The following LRRIQ1 variants were observed in gnomAD, a reference collection of about 807,000 sequenced individuals.
The protein encoded by LRRIQ1 is leucine-rich repeat- and IQ domain-containing protein 1.
In LRRIQ1, 210 loss-of-function variants were observed where a neutral mutation model predicts 211.9. The observed-to-expected ratio is 0.99, with a 90% CI of 0.89 to 1.11. The LOEUF (loss-of-function observed/expected upper bound fraction) is 1.11. LRRIQ1 is among the 50% of genes most tolerant of loss of function. LRRIQ1 has a pLI of 0.00. For missense variants in LRRIQ1, 2,136 were observed against 1,939.5 expected (o/e 1.10, Z -1.90); for synonymous variants, 699 against 650.1 (o/e 1.08, Z -1.14).
In LRRIQ1 at chr12:85,056,196, C is replaced by A; in HGVS notation, c.1403C>A (p.Ser468Tyr). Residue 468 changes from serine (S) to tyrosine (Y), a missense_variant, in exon 8 of 27, where the codon TCT becomes TAT. Transcript: ENST00000393217. The stretch of plus-strand genomic sequence containing the variant: ...TCAATACAAGTAAAGTTAAAAGAAT[C>A]TATATCAAGCCAAACAATTCTGGCA... ...KESIQVKLKE[S>Y]ISSQTILADF... The A allele has an allele frequency of 6.4e-7, 1 of 1,571,268 alleles. No homozygotes were observed. The highest frequency in any genetic ancestry group is 8.6e-7 in the Non-Finnish European group (1 of 1,167,902).
At chr12:85,217,700 A>ATATATGTGTATATATG (rs1565910217) in intron 24 of LRRIQ1, among the ~76,000 whole-genome samples, 2 of 133,368 alleles carry the variant, frequency 1.5e-5, no homozygotes, top group Non-Finnish European at 3.0e-5. Flanking sequence ...GTATATATGT[A>ATATATGTGTATATATG]TATATGTGTG....
At chr12:85,057,232 C>A in intron 8 of LRRIQ1, 48 bp downstream of exon 8, 1 of 1,217,030 alleles carries the variant, frequency 8.2e-7, no homozygotes, top group South Asian at 1.9e-5. Flanking sequence ...ACAATTAGCT[C>A]TTTAAAGTAT....
intron 18 of LRRIQ1, among the ~76,000 whole-genome samples, chr12:85,128,733 A>C (rs933445864): frequency 1.3e-5 from 2 of 152,204 alleles, no homozygotes; most frequent in African/African-American, 4.8e-5. Context: ...ATAATTGTTA[A>C]AGTTTTTCAA....
intron 24 of LRRIQ1, among the ~76,000 whole-genome samples, chr12:85,169,397 A>T (rs899978723): frequency 6.6e-6 from 1 of 152,136 alleles, no homozygotes; most frequent in Non-Finnish European, 1.5e-5. Flanking sequence ...TTTTAATGTG[A>T]TATGATAGCT....
intron 24 of LRRIQ1, among the ~76,000 whole-genome samples, chr12:85,191,347 C>A (rs1892500844): frequency 6.6e-6 from 1 of 151,942 alleles, no homozygotes. Flanking sequence ...TGATTTCCAG[C>A]AACCAGTGAT....
At position 85,046,047 on chromosome 12, in the gene LRRIQ1, T is replaced by C. The variant is rs761966699; in HGVS notation, c.364T>C (p.Phe122Leu). 1.9e-6 allele frequency: 3 copies of C among 1,610,048 alleles called. No individual in the cohort carries two copies. Among genetic ancestry groups the C allele is most frequent in the Middle Eastern group, 1.7e-4 (1 of 6,046 alleles). The change falls in exon 5 of 27, where the codon TTT (phenylalanine) becomes CTT (leucine). Residue 122 changes from phenylalanine to leucine, a missense_variant. Physicochemically the swap from Phe to Leu is conservative, Grantham distance 22. Transcript: ENST00000393217. ...KILSEIEKEE[F>L]MRSKTDCATP... is the part of the protein sequence containing the mutation. ...ATTATCTGAAATAGAAAAAGAAGAATTTATGAGAAGTAAAACCGATTGTGC... is the reference window on the plus strand; with the variant it reads ...ATTATCTGAAATAGAAAAAGAAGAACTTATGAGAAGTAAAACCGATTGTGC...
At chr12:85,218,311 AC>A (rs2137115479) in intron 24 of LRRIQ1, among the ~76,000 whole-genome samples, 1 of 151,922 alleles carries the variant, frequency 6.6e-6, no homozygotes, top group South Asian at 2.1e-4. Context: ...ACCCCCTAGA[AC>A]CCCGAAGTTG....
chr12:85,214,511 T>C (rs753635357), intron 24 of LRRIQ1, among the ~76,000 whole-genome samples: 2 of 152,186 alleles, frequency 1.3e-5, no homozygotes, highest in South Asian at 4.1e-4. Flanking sequence ...ATGGTGGTAA[T>C]TGTGTGGTGG....
In LRRIQ1 at chr12:85,104,062, C is replaced by G. The variant is rs761108643; in HGVS notation, c.3268C>G (p.His1090Asp). 1 of 1,547,858 alleles carries G rather than the reference C, an allele frequency of 6.5e-7. No homozygotes were observed. The highest frequency in any genetic ancestry group is 2.4e-5 in the East Asian group (1 of 42,004). ...FVSLEKLDVSHNCLSDLKSAI... is the reference protein window; with the variant it reads ...FVSLEKLDVSDNCLSDLKSAI... ...TTCATTGGAAAAGCTAGATGTCAGC[C>G]ACAATTGTCTTTCTGGTAAGTTTAG... is the stretch of plus-strand genomic sequence containing the variant. Residue 1090 changes from histidine (H) to aspartate (D), a missense_variant, in exon 14 of 27, where the codon CAC becomes GAC. Transcript: ENST00000393217.
chr12:85,089,782 A>G (rs1885188781), intron 11 of LRRIQ1, among the ~76,000 whole-genome samples: 1 of 152,238 alleles, frequency 6.6e-6, no homozygotes. Context: ...AAACGTTTGG[A>G]GAATTTTCAG....
intron 4 of LRRIQ1, 89 bp downstream of exon 4, chr12:85,044,898 G>T: frequency 1.9e-6 from 1 of 521,410 alleles, no homozygotes. Context: ...CTGATTTTAA[G>T]TTCACTGATT....
chr12:85,166,166 A>G (rs1373565331), intron 24 of LRRIQ1, among the ~76,000 whole-genome samples: 1 of 152,214 alleles, frequency 6.6e-6, no homozygotes. Flanking sequence ...TGCTACTTCT[A>G]AAGTCAATGC....
At chr12:85,245,335 G>C (rs374454941), downstream of LRRIQ1, among the ~76,000 whole-genome samples, 2 of 151,156 alleles carry the variant, frequency 1.3e-5, no homozygotes, top group East Asian at 3.9e-4. Flanking sequence ...AAATAGAAGA[G>C]CTTTAAATAA....
chr12:85,240,681 A>G (rs1267569621), intron 26 of LRRIQ1, among the ~76,000 whole-genome samples: 1 of 152,162 alleles, frequency 6.6e-6, no homozygotes, highest in Non-Finnish European at 1.5e-5. Flanking sequence ...AAAAGCAATA[A>G]ACAAGAAAGC....
chr12:85,183,525 G>C (rs1892088332), intron 24 of LRRIQ1, among the ~76,000 whole-genome samples: 1 of 151,584 alleles, frequency 6.6e-6, no homozygotes, highest in Admixed American at 6.6e-5. Context: ...ATCATACCTA[G>C]AGTATATTCA....
At chr12:85,272,688 A>G in the LRRIQ1 span, among the ~76,000 whole-genome samples, 4 of 152,078 alleles carry the variant, frequency 2.6e-5, no homozygotes, top group African/African-American at 9.7e-5. Context: ...TTGTGCGTTC[A>G]TGAAGTTTTG....
At chr12:85,261,637 A>G (rs952662509) in intron 1 of LRRIQ1, among the ~76,000 whole-genome samples, 1 of 151,946 alleles carries the variant, frequency 6.6e-6, no homozygotes, top group Non-Finnish European at 1.5e-5. Context: ...TCAAGCCAGT[A>G]CTGAGGAAGC....
intron 26 of LRRIQ1, among the ~76,000 whole-genome samples, chr12:85,233,822 G>A (rs147717222): frequency 4.6e-5 from 7 of 152,200 alleles, no homozygotes; most frequent in African/African-American, 1.7e-4. Flanking sequence ...GCTAATTTAG[G>A]CCATTAACAC....
intron 24 of LRRIQ1, among the ~76,000 whole-genome samples, chr12:85,186,711 AT>A (rs1892245296): frequency 6.6e-6 from 1 of 152,080 alleles, no homozygotes; most frequent in Admixed American, 6.6e-5. Context: ...ATAAATGCTC[AT>A]TTACTTTCAA....
Sources: allele counts gnomAD v4.1 joint callset (sites outside exome capture counted in the v4.1 genomes callset), GRCh38; gene constraint gnomAD v4.1.1; transcripts MANE v1.5; gene names NCBI Gene and HGNC (gene_info 2026-07-23, HGNC 2026-07-21).